The following FIG4 variants were observed in gnomAD, a reference collection of about 807,000 sequenced individuals.
FIG4 encodes the protein polyphosphoinositide phosphatase.
In FIG4, 112 loss-of-function variants were observed where a neutral mutation model predicts 118.6. The ratio of observed to expected loss-of-function variants is 0.94; its 90% confidence interval spans 0.81 to 1.11. The LOEUF (loss-of-function observed/expected upper bound fraction) is 1.11. FIG4 is among the 50% of genes least tolerant of loss of function. FIG4 has a pLI of 0.00. For synonymous variants in FIG4, 369 were observed against 381.2 expected (o/e 0.97, Z 0.37); for missense variants, 969 against 1,111.7 (o/e 0.87, Z 1.83).
chr6:109,730,560 T>C (rs575680501), intron 4 of FIG4, among the ~76,000 whole-genome samples: 1 of 152,264 alleles, frequency 6.6e-6, no homozygotes, highest in Non-Finnish European at 1.5e-5. Flanking sequence ...TAAATAAGAC[T>C]GCTAAGTATT....
At position 109,741,533 on chromosome 6, in the gene FIG4, G is replaced by A. The variant is rs1776324068; in HGVS notation, c.865G>A (p.Ala289Thr). ...FAGTRFLKRG[A>T]NCEGDVANEV... Reference sequence around the variant, plus strand: ...TGGCACCCGTTTTCTTAAAAGAGGTGCAAACTGTGAGGTAAGATGACAAAC... The same window carrying A: ...TGGCACCCGTTTTCTTAAAAGAGGTACAAACTGTGAGGTAAGATGACAAAC... Residue 289 changes from alanine to threonine, a missense_variant, in exon 8 of 23, where the codon GCA becomes ACA. Transcript: ENST00000230124. 1.6e-5 allele frequency: 25 copies of A among 1,604,620 alleles called. No individual in the cohort carries two copies. The highest frequency in any genetic ancestry group is 2.0e-5 in the Non-Finnish European group (24 of 1,171,544).
intron 22 of FIG4, among the ~76,000 whole-genome samples, chr6:109,801,471 C>T (rs1778425643): frequency 6.6e-6 from 1 of 152,142 alleles, no homozygotes; most frequent in Non-Finnish European, 1.5e-5. Context: ...TTGCCTGAAC[C>T]CAGGAGGTGG....
intron 3 of FIG4, among the ~76,000 whole-genome samples, chr6:109,720,498 A>C (rs1188384501): frequency 6.6e-6 from 1 of 152,230 alleles, no homozygotes; most frequent in Non-Finnish European, 1.5e-5. Context: ...CTAGAACAAT[A>C]CTTCTCTAGG....
chr6:109,805,589 G>A (rs1012679164), intron 22 of FIG4, among the ~76,000 whole-genome samples: 1 of 152,070 alleles, frequency 6.6e-6, no homozygotes, highest in Non-Finnish European at 1.5e-5. Context: ...TTTCTATTCC[G>A]TATGTGTGAT....
chr6:109,773,817 G>A (rs532677584), intron 15 of FIG4, among the ~76,000 whole-genome samples: 88 of 152,182 alleles, frequency 5.8e-4, no homozygotes, highest in Non-Finnish European at 1.1e-3. Context: ...GACCACACTC[G>A]TCTAATTTTT....
chr6:109,795,253 A>T (rs1470928553), intron 21 of FIG4, among the ~76,000 whole-genome samples: 1 of 151,528 alleles, frequency 6.6e-6, no homozygotes, highest in African/African-American at 2.4e-5. Context: ...GCCTCCCGAC[A>T]CTTGCCAGTT....
intron 1 of FIG4, among the ~76,000 whole-genome samples, chr6:109,697,562 T>C (rs1250271969): frequency 6.6e-6 from 1 of 152,066 alleles, no homozygotes; most frequent in Non-Finnish European, 1.5e-5. Context: ...CCAGAGAGAG[T>C]TATGCAAGAG....
chr6:109,808,350 CAAAAA>C (rs55948419), intron 22 of FIG4, among the ~76,000 whole-genome samples: 6 of 67,056 alleles, frequency 8.9e-5, no homozygotes, highest in Admixed American at 1.9e-4. Context: ...ACACTCACAG[CAAAAA>C]AAAAAAAAAA....
Position 109,760,499 on chromosome 6 carries a change from C to T in FIG4, c.1271+116C>T, listed in dbSNP as rs944097333. 199 of 977,868 alleles carry T rather than the reference C, an allele frequency of 2.0e-4. 2 individuals are homozygous for T. Among genetic ancestry groups the T allele is most frequent in the Admixed American group, 1.1e-3 (64 of 57,850 alleles). The allele number at this position is 977,868 out of a possible 1,614,324, so 60.6% of individuals were successfully genotyped here. On this transcript the variant is annotated intron_variant, in intron 11 of 22. Coordinates refer to ENST00000230124, the MANE Select transcript of FIG4 (RefSeq NM_014845.6). ...TACCCTGTTAATTTCCTTCATGAAC[C>T]TGTTGAGGGGCTGTTTTGAGTGCAT...
At chr6:109,697,274 A>C (rs1774757892) in intron 1 of FIG4, among the ~76,000 whole-genome samples, 6 of 151,912 alleles carry the variant, frequency 3.9e-5, no homozygotes, top group Non-Finnish European at 8.8e-5. Flanking sequence ...AAAAAAAAAA[A>C]AAAAAGGGAA....
intron 21 of FIG4, among the ~76,000 whole-genome samples, chr6:109,794,325 A>T (rs1162957200): frequency 6.6e-6 from 1 of 152,088 alleles, no homozygotes; most frequent in Non-Finnish European, 1.5e-5. Flanking sequence ...GTACCGTGGG[A>T]TTTTAGGCTG....
chr6:109,790,788 T>C (rs1778113474), intron 19 of FIG4, among the ~76,000 whole-genome samples: 1 of 151,574 alleles, frequency 6.6e-6, no homozygotes, highest in African/African-American at 2.4e-5. Flanking sequence ...TGAAAGTAAA[T>C]ACTTTTATAA....
intron 1 of FIG4, among the ~76,000 whole-genome samples, chr6:109,707,051 A>T (rs1316810460): frequency 6.6e-6 from 1 of 152,014 alleles, no homozygotes; most frequent in African/African-American, 2.4e-5. Context: ...GAATCCTGTC[A>T]CTGGATGTCC....
intron 1 of FIG4, among the ~76,000 whole-genome samples, chr6:109,692,310 C>A (rs1774491984): frequency 6.6e-6 from 1 of 152,182 alleles, no homozygotes; most frequent in South Asian, 2.1e-4. Flanking sequence ...CCATTTCATG[C>A]TAACAAGATT....
Position 109,825,168 on chromosome 6 carries a change from T to G in FIG4, c.2627T>G (p.Phe876Cys). 1 of 1,614,038 alleles carries G rather than the reference T, an allele frequency of 6.2e-7. No homozygotes were observed. The highest frequency in any genetic ancestry group is 1.1e-5 in the South Asian group (1 of 91,082). ...GTAGACAGAAAATCTACAGAGATCT[T>G]CCAAGCCCACATCCAGGCCAGCCAA... ...PRVDRKSTEI[F>C]QAHIQASQGI... The change falls in exon 23 of 23, where the codon TTC becomes TGC. Residue 876 changes from phenylalanine (F) to cysteine (C), a missense_variant. Physicochemically the swap from Phe to Cys is radical, Grantham distance 205. Around this residue, in one of 3 missense-constraint regions of FIG4, gnomAD observed 330 missense variants for 348.1 expected, o/e 0.95. Coordinates refer to ENST00000230124, the MANE Select transcript of FIG4 (RefSeq NM_014845.6).
intron 6 of FIG4, 105 bp from the exon 7 acceptor site, chr6:109,738,220 G>T (rs967057665): frequency 1.0e-6 from 1 of 955,570 alleles, no homozygotes; most frequent in African/African-American, 1.6e-5. Flanking sequence ...TTAAAAATGA[G>T]TTGAATGTCA....
intron 22 of FIG4, among the ~76,000 whole-genome samples, chr6:109,799,750 G>A (rs370178611): frequency 5.9e-5 from 9 of 152,188 alleles, no homozygotes; most frequent in Non-Finnish European, 1.0e-4. Context: ...TGAAATGAGC[G>A]TGCAGAGACA....
chr6:109,809,935 G>A (rs1778674221), intron 22 of FIG4, among the ~76,000 whole-genome samples: 2 of 152,130 alleles, frequency 1.3e-5, no homozygotes, highest in Non-Finnish European at 2.9e-5. Context: ...CCATCTCTCT[G>A]CTCCCCCATT....
intron 10 of FIG4, among the ~76,000 whole-genome samples, chr6:109,751,398 G>A (rs542556830): frequency 8.5e-5 from 13 of 152,286 alleles, no homozygotes; most frequent in African/African-American, 3.1e-4. Flanking sequence ...GTCTCTGCCA[G>A]GTTTTGGTAT....
Sources: gnomAD v4.1 joint callset for allele counts (sites outside exome capture counted in the v4.1 genomes callset) on GRCh38, gnomAD v4.1.1 for gene constraint, gnomAD v4.1.1 regional missense constraint, MANE v1.5 for transcripts, NCBI Gene and HGNC (gene_info 2026-07-23, HGNC 2026-07-21) for gene names.